Variants in PAG1 observed in about 807,000 individuals in gnomAD.
PAG1 encodes phosphoprotein associated with glycosphingolipid-enriched microdomains 1.
PAG1 carries 23 observed loss-of-function variants against 31.7 expected under a neutral mutation model. That is an observed-to-expected ratio of 0.73 (90% CI 0.52 to 1.03). The LOEUF (loss-of-function observed/expected upper bound fraction) is 1.03. Ranked by LOEUF, PAG1 falls within the 50% of genes least tolerant of loss-of-function variation. The pLI, the probability that PAG1 is intolerant of heterozygous loss-of-function variation, is 0.00. For missense variants in PAG1, 473 were observed against 540.7 expected, an observed-to-expected ratio of 0.87 and a Z score of 1.24; for synonymous variants, 214 against 210.3, an observed-to-expected ratio of 1.02 and a Z score of -0.15.
chr8:80,983,692 T>G lies in PAG1; in HGVS notation c.876+1084A>C, dbSNP rs545895539. ...TGTTTACTAGCAATGGTTAGACAAC[T>G]CAACGTCTTATCTTTCTAATGCTTG... On this transcript the variant is annotated intron_variant, in intron 7 of 8. Transcript: ENST00000220597. 3.3e-5 allele frequency among the ~76,000 whole-genome samples: 5 copies of G among 152,346 alleles called. No homozygotes were observed. The East Asian group carries it at 9.6e-4, about 29-fold the overall frequency.
chr8:81,045,371 G>A (rs1211642603), intron 2 of PAG1, among the ~76,000 whole-genome samples: 1 of 152,172 alleles, frequency 6.6e-6, no homozygotes, highest in Non-Finnish European at 1.5e-5. Context: ...ATCAGCTACT[G>A]CAAACTCTAA....
intron 2 of PAG1, among the ~76,000 whole-genome samples, chr8:81,049,672 A>G (rs1384734107): frequency 6.6e-6 from 1 of 152,242 alleles, no homozygotes; most frequent in East Asian, 1.9e-4. Flanking sequence ...CAAAATAATA[A>G]TGCTAGAAAG....
chr8:80,984,884 G>A lies in PAG1; in HGVS notation c.768C>T (p.Ala256=), dbSNP rs1279825751. The stretch of plus-strand genomic sequence containing the variant: ...GAAGCTTAACAGGGACAGGTGGTGG[G>A]GCCTCCTCTTCTGGATCACATGAAT... ...LGNSCDPEEE[A]PPPVPVKLLD... The change falls in exon 7 of 9, where the codon GCC becomes GCT. Residue 256 remains alanine (A), a synonymous_variant. Coordinates refer to ENST00000220597, the MANE Select transcript of PAG1 (RefSeq NM_018440.4). The A allele has an allele frequency of 1.9e-6, 3 of 1,613,972 alleles. No individual in the cohort carries two copies. The highest frequency in any genetic ancestry group is 2.2e-5 in the South Asian group (2 of 91,062).
chr8:81,103,860 T>G (rs1809649001), intron 1 of PAG1, among the ~76,000 whole-genome samples: 1 of 152,228 alleles, frequency 6.6e-6, no homozygotes, highest in African/African-American at 2.4e-5. Context: ...TATGGGGAAC[T>G]GAGGCACTTC....
At chr8:81,056,615 C>A (rs906838337) in intron 2 of PAG1, among the ~76,000 whole-genome samples, 1 of 152,166 alleles carries the variant, frequency 6.6e-6, no homozygotes, top group African/African-American at 2.4e-5. Flanking sequence ...ACCATAAAAA[C>A]CCTGGAAGAA....
chr8:81,018,531 G>A (rs892755080), intron 3 of PAG1, among the ~76,000 whole-genome samples: 1 of 152,238 alleles, frequency 6.6e-6, no homozygotes, highest in African/African-American at 2.4e-5. Flanking sequence ...GGGACCCAAT[G>A]GGAGGTGATT....
intron 2 of PAG1, among the ~76,000 whole-genome samples, chr8:81,044,131 CTT>C (rs1422897171): frequency 6.6e-6 from 1 of 152,212 alleles, no homozygotes; most frequent in Non-Finnish European, 1.5e-5. Context: ...AATATTAACA[CTT>C]GACTTCCCTG....
intron 1 of PAG1, among the ~76,000 whole-genome samples, chr8:81,093,351 G>A (rs1276196034): frequency 6.6e-6 from 1 of 152,152 alleles, no homozygotes; most frequent in Admixed American, 6.5e-5. Context: ...TTAATGGTAT[G>A]TTCATTTTAC....
intron 1 of PAG1, among the ~76,000 whole-genome samples, chr8:81,101,877 A>G (rs1325997814): frequency 2.0e-5 from 3 of 152,214 alleles, no homozygotes; most frequent in Non-Finnish European, 2.9e-5. Context: ...AAAATAAGAC[A>G]AAGAAAATTT....
chr8:80,982,871 T>C (rs997588437), intron 7 of PAG1, among the ~76,000 whole-genome samples: 2 of 152,210 alleles, frequency 1.3e-5, no homozygotes, highest in Non-Finnish European at 2.9e-5. Flanking sequence ...TCACCTCTGC[T>C]GCCTCTTCCC....
chr8:81,048,518 G>C (rs1295147671), intron 2 of PAG1, among the ~76,000 whole-genome samples: 1 of 152,150 alleles, frequency 6.6e-6, no homozygotes, highest in African/African-American at 2.4e-5. Flanking sequence ...TCTGGGCCCA[G>C]AGAGGCCTGC....
chr8:81,013,377 T>C (rs997927782), intron 3 of PAG1, among the ~76,000 whole-genome samples: 3 of 152,134 alleles, frequency 2.0e-5, no homozygotes, highest in Admixed American at 1.3e-4. Flanking sequence ...CCTGGGCTTC[T>C]CTGCCTGGGT....
rs1408019201 is a variant in PAG1, at chr8:80,972,707, C to T, written c.*3837G>A. On this transcript the variant is annotated 3_prime_UTR_variant, in exon 9 of 9. Coordinates refer to ENST00000220597, the MANE Select transcript of PAG1 (RefSeq NM_018440.4). ...CACTGTTTTTCAGCCAAGAGAATTA[C>T]GGATGCAATTTAAAGTCTAAATGTA... 10 of 152,200 alleles carry T rather than the reference C, an allele frequency of 6.6e-5. No homozygotes were observed. The highest frequency in any genetic ancestry group is 2.1e-4 in the South Asian group (1 of 4,824). The allele number at this position is 152,200 out of a possible 1,614,324, so 9.4% of individuals were successfully genotyped here.
At chr8:81,027,350 T>C (rs966867000) in intron 3 of PAG1, among the ~76,000 whole-genome samples, 2 of 152,178 alleles carry the variant, frequency 1.3e-5, no homozygotes, top group Non-Finnish European at 2.9e-5. Context: ...ATCAAAAAGA[T>C]TGTCTAACAA....
At chr8:80,978,064 AC>A in intron 8 of PAG1, among the ~76,000 whole-genome samples, 1 of 152,028 alleles carries the variant, frequency 6.6e-6, no homozygotes, top group Non-Finnish European at 1.5e-5. Flanking sequence ...CTGTCTTAAG[AC>A]AGGCCTTCTT....
At chr8:81,010,082 T>C (rs1477067600) in intron 3 of PAG1, among the ~76,000 whole-genome samples, 1 of 152,216 alleles carries the variant, frequency 6.6e-6, no homozygotes, top group Non-Finnish European at 1.5e-5. Context: ...ATTTCTAAAC[T>C]CTTAACTAGC....
At chr8:81,040,991 A>T (rs905368289) in intron 2 of PAG1, among the ~76,000 whole-genome samples, 1 of 152,230 alleles carries the variant, frequency 6.6e-6, no homozygotes, top group Non-Finnish European at 1.5e-5. Context: ...CATGACAACA[A>T]ATGCTCGCGA....
At chr8:81,095,358 C>T (rs1447127413) in intron 1 of PAG1, among the ~76,000 whole-genome samples, 2 of 152,194 alleles carry the variant, frequency 1.3e-5, no homozygotes, top group African/African-American at 4.8e-5. Context: ...CTTTGTGCTG[C>T]TACCAGAGTT....
At chr8:81,041,103 A>G (rs1436438446) in intron 2 of PAG1, among the ~76,000 whole-genome samples, 5 of 152,240 alleles carry the variant, frequency 3.3e-5, no homozygotes, top group African/African-American at 2.4e-5. Context: ...CCACAGAAGA[A>G]GAAAGAAGGA....
Sources: allele counts gnomAD v4.1 joint callset (sites outside exome capture counted in the v4.1 genomes callset), GRCh38; gene constraint gnomAD v4.1.1; transcripts MANE v1.5; gene names NCBI Gene and HGNC (gene_info 2026-07-23, HGNC 2026-07-21).